Variants in RAB7A observed in about 807,000 individuals in gnomAD.
The protein encoded by RAB7A is RAB7A, member RAS oncogene family, also known as ras-related protein Rab-7a.
RAB7A carries 2 observed loss-of-function variants against 24.5 expected under a neutral mutation model. The observed-to-expected ratio is 0.08, with a 90% confidence interval of 0.03 to 0.26. The LOEUF is 0.26. Ranked by LOEUF, RAB7A falls within the 10% of genes least tolerant of loss-of-function variation. The pLI, the probability that RAB7A is intolerant of heterozygous loss-of-function variation, is 1.00. For missense variants in RAB7A, 118 were observed against 255.7 expected, an observed-to-expected ratio of 0.46 and a Z score of 3.67; for synonymous variants, 100 against 95.9, an observed-to-expected ratio of 1.04 and a Z score of -0.25.
intron 1 of RAB7A, among the ~76,000 whole-genome samples, chr3:128,745,135 A>C (rs761088463): frequency 4.6e-5 from 7 of 151,670 alleles, no homozygotes; most frequent in Non-Finnish European, 1.0e-4. Flanking sequence ...CGGCCTCCCA[A>C]AGTGCTGGGA....
chr3:128,737,012 AATC>A (rs2070495749), intron 1 of RAB7A, among the ~76,000 whole-genome samples: 1 of 149,916 alleles, frequency 6.7e-6, no homozygotes, highest in African/African-American at 2.5e-5. Context: ...TTTACTCACT[AATC>A]ACCTTCCGAT....
intron 1 of RAB7A, among the ~76,000 whole-genome samples, chr3:128,739,282 G>A (rs745455679): frequency 1.3e-5 from 2 of 152,236 alleles, no homozygotes; most frequent in Non-Finnish European, 2.9e-5. Context: ...GGCTGAGGTG[G>A]GCGGATCACC....
chr3:128,773,204 G>A (rs531743972), intron 1 of RAB7A, among the ~76,000 whole-genome samples: 2 of 138,444 alleles, frequency 1.4e-5, no homozygotes, highest in Non-Finnish European at 3.1e-5. Flanking sequence ...GCCCGGCCGC[G>A]ACCCCGTCTG....
At chr3:128,734,028 C>T (rs1029994382) in intron 1 of RAB7A, among the ~76,000 whole-genome samples, 34 of 152,170 alleles carry the variant, frequency 2.2e-4, no homozygotes, top group Non-Finnish European at 8.8e-5. Flanking sequence ...AGCTTGTTTA[C>T]TCACCAGTGT....
chr3:128,739,631 T>C (rs2070529886), intron 1 of RAB7A, among the ~76,000 whole-genome samples: 1 of 152,242 alleles, frequency 6.6e-6, no homozygotes, highest in Non-Finnish European at 1.5e-5. Flanking sequence ...AAATACATAC[T>C]CTTCTGCTAT....
At chr3:128,807,793 C>A in intron 5 of RAB7A, 122 bp downstream of exon 5, 3 of 1,389,860 alleles carry the variant, frequency 2.2e-6, no homozygotes, top group Admixed American at 1.8e-5. Context: ...GCCAGAATAC[C>A]CTATGTGTTC....
At chr3:128,760,907 G>A (rs1425395919) in intron 1 of RAB7A, among the ~76,000 whole-genome samples, 1 of 152,182 alleles carries the variant, frequency 6.6e-6, no homozygotes. Flanking sequence ...CCCTTAAAAA[G>A]CTTCATCTCC....
intron 1 of RAB7A, among the ~76,000 whole-genome samples, chr3:128,784,349 T>G (rs892473883): frequency 2.0e-5 from 3 of 152,136 alleles, no homozygotes; most frequent in Non-Finnish European, 4.4e-5. Context: ...CCCATCCCAA[T>G]CCAATCCATC....
intron 1 of RAB7A, among the ~76,000 whole-genome samples, chr3:128,746,229 A>G (rs941686112): frequency 3.9e-5 from 6 of 151,940 alleles, no homozygotes; most frequent in Admixed American, 1.3e-4. Flanking sequence ...CCATCAGTCT[A>G]CTCTCTACTT....
Position 128,807,546 on chromosome 3 carries a change from G to C in RAB7A, c.403G>C (p.Ala135Pro). Residue 135 changes from alanine (A) to proline (P), a missense_variant, in exon 5 of 6, where the codon GCC becomes CCC. By Grantham distance (27) the Ala-to-Pro change is conservative. Coordinates refer to ENST00000265062, the MANE Select transcript of RAB7A (RefSeq NM_004637.6). The stretch of plus-strand genomic sequence containing the variant: ...TGCACCCTGCTTCTTCTTTCAGGTG[G>C]CCACAAAGCGGGCACAGGCCTGGTG... ...NKIDLENRQVATKRAQAWCYS... is the reference protein window; with the variant it reads ...NKIDLENRQVPTKRAQAWCYS... 6.2e-7 allele frequency: 1 copy of C among 1,614,084 alleles called. No homozygotes were observed. Among genetic ancestry groups the C allele is most frequent in the Non-Finnish European group, 8.5e-7 (1 of 1,180,016 alleles).
At chr3:128,764,652 G>T in intron 1 of RAB7A, 1 of 959,124 alleles carries the variant, frequency 1.0e-6, no homozygotes, top group Non-Finnish European at 1.7e-6. Flanking sequence ...TTTTGTCAGT[G>T]GCTAGTTTGT....
At chr3:128,811,522 G>A (rs73198869) in intron 5 of RAB7A, among the ~76,000 whole-genome samples, 6,310 of 152,286 alleles carry the variant, frequency 0.041, 178 homozygotes, top group Non-Finnish European at 0.058. Flanking sequence ...GAAGCCAGTT[G>A]CAAAAAGACC....
At position 128,806,536 on chromosome 3, in the gene RAB7A, T is replaced by C. The variant is rs1933806546; in HGVS notation, c.345T>C (p.Pro115=). The change falls in exon 4 of 6, where the codon CCT becomes CCC. Residue 115 remains proline, a synonymous_variant. Transcript: ENST00000265062. ...TCATCCAGGCCAGTCCCCGAGATCC[T>C]GAAAACTTCCCATTTGTTGTGTTGG... is the stretch of plus-strand genomic sequence containing the variant. ...EFLIQASPRD[P]ENFPFVVLGN... is the part of the protein sequence containing the mutation. The C allele has an allele frequency of 8.7e-6, 14 of 1,614,126 alleles. No homozygotes were observed. The highest frequency in any genetic ancestry group is 3.3e-4 in the Middle Eastern group (2 of 6,060).
At chr3:128,797,525 T>TA (rs1346192969) in intron 2 of RAB7A, among the ~76,000 whole-genome samples, 1 of 152,240 alleles carries the variant, frequency 6.6e-6, no homozygotes, top group Non-Finnish European at 1.5e-5. Context: ...CTCCTGGTGT[T>TA]ACTTCATCAA....
chr3:128,805,399 C>T (rs551149211), intron 3 of RAB7A, among the ~76,000 whole-genome samples: 89 of 152,164 alleles, frequency 5.8e-4, no homozygotes, highest in African/African-American at 2.1e-3. Context: ...CATGTTCGTC[C>T]GGCTCTGTTT....
intron 3 of RAB7A, among the ~76,000 whole-genome samples, chr3:128,804,961 C>T (rs1317589549): frequency 2.0e-5 from 3 of 152,112 alleles, no homozygotes; most frequent in Admixed American, 6.6e-5. Context: ...TGCCCTAGTG[C>T]GTGACGGGGT....
chr3:128,788,360 AT>A (rs1933384595), intron 1 of RAB7A, among the ~76,000 whole-genome samples: 1 of 152,208 alleles, frequency 6.6e-6, no homozygotes. Flanking sequence ...TATCTTTGAA[AT>A]TGTGAAGAAG....
chr3:128,728,070 A>G (rs750293107), intron 1 of RAB7A, among the ~76,000 whole-genome samples: 4 of 152,044 alleles, frequency 2.6e-5, no homozygotes, highest in Non-Finnish European at 5.9e-5. Context: ...TTATTCATTC[A>G]TTAAGTATTT....
chr3:128,782,345 C>A (rs1933238635), intron 1 of RAB7A, among the ~76,000 whole-genome samples: 1 of 152,118 alleles, frequency 6.6e-6, no homozygotes, highest in Admixed American at 6.5e-5. Context: ...CATGCCAGAA[C>A]CGTTCTCCCT....
Sources: gnomAD v4.1 joint callset for allele counts (sites outside exome capture counted in the v4.1 genomes callset) on GRCh38, gnomAD v4.1.1 for gene constraint, MANE v1.5 for transcripts, NCBI Gene and HGNC (gene_info 2026-07-23, HGNC 2026-07-21) for gene names.